The following HEATR4 variants were observed in gnomAD, a reference collection of about 807,000 sequenced individuals.
HEATR4 encodes HEAT repeat-containing protein 4.
A neutral mutation model predicts 108.8 loss-of-function variants in HEATR4; 95 were observed. The ratio of observed to expected loss-of-function variants is 0.87; its 90% CI spans 0.74 to 1.04. HEATR4 has a LOEUF of 1.04. Ranked by LOEUF, HEATR4 falls within the 50% of genes least tolerant of loss-of-function variation. The probability of loss-of-function intolerance (pLI) is 0.00; values close to 1 mark genes in which losing one functional copy is unlikely to be tolerated. For missense variants in HEATR4, 1,152 were observed against 1,253.8 expected (o/e 0.92, Z 1.23); for synonymous variants, 443 against 459.4 (o/e 0.96, Z 0.46).
At chr14:73,593,731 A>G in the HEATR4 span, 7 of 1,613,062 alleles carry the variant, frequency 4.3e-6, no homozygotes, top group Non-Finnish European at 5.9e-6. Context: ...GATCATTGAC[A>G]TCTTTGGTAT....
chr14:73,488,177 C>A (rs1445053344), intron 17 of HEATR4, among the ~76,000 whole-genome samples: 1 of 152,118 alleles, frequency 6.6e-6, no homozygotes, highest in Non-Finnish European at 1.5e-5. Flanking sequence ...TTGTAATCTC[C>A]AATGTTAGAT....
rs370022734 is a variant in HEATR4 at position 73,532,512 on chromosome 14, C to G, written c.-151-2268G>C. Among the ~76,000 whole-genome samples the G allele has an allele frequency of 2.1e-4, 24 of 115,084 alleles. 8 individuals are homozygous for G. The highest frequency in any genetic ancestry group is 1.4e-3 in the East Asian group (2 of 1,470). 75.5% of individuals were successfully genotyped at this position (115,084 alleles called of 152,430 possible). A position where few individuals can be genotyped will look rare whatever the true frequency, so the allele number is the denominator to read the frequency against. ...CTAAGGCTCTGTCTCGTTGACCCAGCTCATGCTATTCAGGTGGTCCATCTC... is the reference window on the plus strand; with the variant it reads ...CTAAGGCTCTGTCTCGTTGACCCAGGTCATGCTATTCAGGTGGTCCATCTC... On this transcript the variant is annotated intron_variant, in intron 1 of 17. Transcript: ENST00000553558.
chr14:73,550,689 A>C (rs7159242), intron 1 of HEATR4, among the ~76,000 whole-genome samples: 66,590 of 110,642 alleles, frequency 0.6, 28,676 homozygotes, highest in African/African-American at 0.87. Flanking sequence ...CTGCATGTAA[A>C]TTTCAAAATA....
At chr14:73,523,878 C>T (rs536942235) in intron 2 of HEATR4, among the ~76,000 whole-genome samples, 5 of 152,280 alleles carry the variant, frequency 3.3e-5, no homozygotes, top group Middle Eastern at 3.4e-3. Context: ...TATGATACCT[C>T]GCATTGTTAA....
At chr14:73,592,356 G>C in the HEATR4 span, 1 of 1,589,182 alleles carries the variant, frequency 6.3e-7, no homozygotes, top group African/African-American at 1.4e-5. Context: ...CCTCCCGCCA[G>C]GGGTGCGGCG....
chr14:73,566,263 T>C, the HEATR4 span, among the ~76,000 whole-genome samples: 1 of 152,098 alleles, frequency 6.6e-6, no homozygotes, highest in African/African-American at 2.4e-5. Context: ...GGAGCCCAGC[T>C]GGCTTCACCC....
the HEATR4 span, among the ~76,000 whole-genome samples, chr14:73,590,384 C>T: frequency 6.6e-6 from 1 of 152,244 alleles, no homozygotes; most frequent in African/African-American, 2.4e-5. Flanking sequence ...TTCTCCAAGT[C>T]CCCACCAGAC....
In HEATR4 at chr14:73,496,679, T is replaced by C. The variant is rs8014577; in HGVS notation, c.2547A>G (p.Lys849=). The C allele has an allele frequency of 0.72, 1,094,982 of 1,531,440 alleles. 395,340 individuals are homozygous for C. The highest frequency in any genetic ancestry group is 0.9 in the African/African-American group (65,686 of 73,048). The allele number at this position is 1,531,440 out of a possible 1,614,324, so 94.9% of individuals were successfully genotyped here. ...LLLENHDAVL[K]EMYQTMKILN... ...GTATCTTCATTGTCTGGTACATTTC[T>C]CTGAAAGATAAGAAGGGCTTCTTAG... The change falls in exon 15 of 18, where the codon AAA becomes AAG. Residue 849 remains lysine (K), a splice_region_variant and synonymous_variant. Coordinates refer to ENST00000553558, the MANE Select transcript of HEATR4 (RefSeq NM_001220484.1).
chr14:73,535,828 T>C lies in HEATR4; in HGVS notation c.-151-5584A>G, dbSNP rs1385333843. ...CTTATCCAGGTTGGTCTGAAACTCC[T>C]GGCCTTAAGAAACCCTGCCACCTCA... On this transcript the variant is annotated intron_variant, in intron 1 of 17. Coordinates refer to ENST00000553558, the MANE Select transcript of HEATR4 (RefSeq NM_001220484.1). 1.7e-5 allele frequency among the ~76,000 whole-genome samples: 2 copies of C among 115,132 alleles called. 1 individual carries two copies. Among genetic ancestry groups the C allele is most frequent in the Non-Finnish European group, 3.8e-5 (2 of 52,750 alleles). The allele number at this position is 115,132 out of a possible 152,430, so 75.5% of individuals were successfully genotyped here.
the HEATR4 span, among the ~76,000 whole-genome samples, chr14:73,618,754 T>C: frequency 1.6e-3 from 242 of 152,316 alleles, 1 homozygote; most frequent in African/African-American, 5.4e-3. Flanking sequence ...GACCCATTAC[T>C]AGGAAATCAG....
chr14:73,570,381 A>G, the HEATR4 span, among the ~76,000 whole-genome samples: 1 of 151,872 alleles, frequency 6.6e-6, no homozygotes, highest in Non-Finnish European at 1.5e-5. Flanking sequence ...CATCCTGACT[A>G]ACACGGTGAA....
chr14:73,497,262 A>G (rs1886161995), intron 14 of HEATR4, among the ~76,000 whole-genome samples: 1 of 152,004 alleles, frequency 6.6e-6, no homozygotes, highest in Non-Finnish European at 1.5e-5. Context: ...CTGGTCTAGA[A>G]CTCCTGACCT....
intron 17 of HEATR4, among the ~76,000 whole-genome samples, chr14:73,480,589 A>G (rs1555386930): frequency 6.6e-6 from 1 of 152,162 alleles, no homozygotes; most frequent in Non-Finnish European, 1.5e-5. Flanking sequence ...GTCATGATAC[A>G]AAGTAAGTCT....
intron 4 of HEATR4, chr14:73,519,901 A>G (rs1887874562): frequency 6.6e-6 from 1 of 152,024 alleles, no homozygotes; most frequent in African/African-American, 2.4e-5. Context: ...CTATAATCCC[A>G]GCTATTTGGG....
At chr14:73,564,636 C>G in the HEATR4 span, among the ~76,000 whole-genome samples, 6 of 151,014 alleles carry the variant, frequency 4.0e-5, no homozygotes, top group Non-Finnish European at 7.4e-5. Context: ...TAAACAAATA[C>G]TATGCATAAA....
At position 73,492,629 on chromosome 14, in the gene HEATR4, G is replaced by C. The variant is rs780960346; in HGVS notation, c.2844+437C>G. 9.9e-6 allele frequency: 16 copies of C among 1,613,800 alleles called. No individual in the cohort carries two copies. Among genetic ancestry groups the C allele is most frequent in the Middle Eastern group, 1.6e-4 (1 of 6,084 alleles). On this transcript the variant is annotated intron_variant, in intron 17 of 17. Transcript: ENST00000553558. This position sits in a 1 kb window ranked among gnomAD's most constrained non-coding sequence, Gnocchi z 4.9. Reference sequence around the variant, plus strand: ...CTGGGAGGCTGGAGAACCTGTAAACGTGGGGGCCCAGTTGACAACAGAAAC... The same window carrying C: ...CTGGGAGGCTGGAGAACCTGTAAACCTGGGGGCCCAGTTGACAACAGAAAC...
At chr14:73,527,703 C>A (rs2140302702) in intron 2 of HEATR4, among the ~76,000 whole-genome samples, 1 of 152,118 alleles carries the variant, frequency 6.6e-6, no homozygotes, top group Admixed American at 6.6e-5. Flanking sequence ...CAGGGCCAGG[C>A]AGGATGGCTC....
chr14:73,612,556 T>G, the HEATR4 span: 1 of 1,352,716 alleles, frequency 7.4e-7, no homozygotes, highest in Non-Finnish European at 9.6e-7. Context: ...GTCGCCCCTG[T>G]TCTACCCAGA....
At chr14:73,484,753 A>G (rs1885381411) in intron 17 of HEATR4, among the ~76,000 whole-genome samples, 1 of 151,802 alleles carries the variant, frequency 6.6e-6, no homozygotes, top group South Asian at 2.1e-4. Flanking sequence ...GCCCAGAGGG[A>G]ACTTCTTTCT....
Sources: gnomAD v4.1 joint callset for allele counts (sites outside exome capture counted in the v4.1 genomes callset) on GRCh38, gnomAD v4.1.1 for gene constraint, Gnocchi (gnomAD v3.1) non-coding constraint, MANE v1.5 for transcripts, NCBI Gene and HGNC (gene_info 2026-07-23, HGNC 2026-07-21) for gene names.